The following VILL variants were observed in gnomAD, a reference collection of about 807,000 sequenced individuals.
VILL encodes the protein villin like.
In VILL, 102 loss-of-function variants were observed where a neutral mutation model predicts 106.3. The ratio of observed to expected loss-of-function variants is 0.96; its 90% CI spans 0.82 to 1.13. VILL has a LOEUF of 1.13. VILL is among the 50% of genes most tolerant of loss of function. VILL has a pLI of 0.00. For missense variants in VILL, 1,076 were observed against 1,116.6 expected (o/e 0.96, Z 0.52); for synonymous variants, 431 against 440.3 (o/e 0.98, Z 0.27).
chr3:38,002,439 C>T lies in VILL; in HGVS notation c.1523C>T (p.Thr508Ile), dbSNP rs1397505946. ...HHGKGQSASTTRLFQVQGTDS... is the reference protein window; with the variant it reads ...HHGKGQSASTIRLFQVQGTDS... ...GGAAAGGGGCAGTCAGCATCCACCA[C>T]AAGGCTTTTCCAAGTGCAAGGCACT... Residue 508 changes from threonine to isoleucine, a missense_variant, in exon 14 of 20, where the codon ACA becomes ATA. By Grantham distance (89) the Thr-to-Ile change is moderately conservative. Transcript: ENST00000383759. The T allele has an allele frequency of 1.2e-6, 2 of 1,614,042 alleles. No individual in the cohort carries two copies. The highest frequency in any genetic ancestry group is 1.1e-5 in the South Asian group (1 of 91,070).
At position 37,994,378 on chromosome 3, in the gene VILL, G is replaced by C; in HGVS notation, c.253G>C (p.Asp85His). The change falls in exon 4 of 20, where the codon GAC becomes CAC. Residue 85 changes from aspartate (D) to histidine (H), a missense_variant. Coordinates refer to ENST00000383759, the MANE Select transcript of VILL (RefSeq NM_015873.4). ...GGAGGCCTTCCAGCAGCGCCTACAG[G>C]ACGAGCTGGGGGGCCAGACCGTGCT... is the stretch of plus-strand genomic sequence containing the variant. ...AAEAFQQRLQ[D>H]ELGGQTVLHR... The C allele has an allele frequency of 6.2e-7, 1 of 1,612,372 alleles. No individual in the cohort carries two copies. Among genetic ancestry groups the C allele is most frequent in the Non-Finnish European group, 8.5e-7 (1 of 1,179,762 alleles).
At position 38,003,172 on chromosome 3, in the gene VILL, G is replaced by C. The variant is rs778091994; in HGVS notation, c.1664G>C (p.Cys555Ser). ...AGCCATCTCTTTGCCTGCTAGGGCT[G>C]TAATGGTGATCAGCGTGAGATGGCA... ...SVCYLWFGKG[C>S]NGDQREMARV... is the part of the protein sequence containing the mutation. The change falls in exon 15 of 20, where the codon TGT becomes TCT. Residue 555 changes from cysteine (C) to serine (S), a missense_variant. By Grantham distance (112) the Cys-to-Ser change is moderately radical. Coordinates refer to ENST00000383759, the MANE Select transcript of VILL (RefSeq NM_015873.4). 1.2e-6 allele frequency: 2 copies of C among 1,613,802 alleles called. No individual in the cohort carries two copies. The highest frequency in any genetic ancestry group is 3.3e-5 in the Admixed American group (2 of 60,022).
In VILL at chr3:38,001,599, C is replaced by T; in HGVS notation, c.1320+6C>T. ...ACATCCTGTACCTATGGCAGGTGTG[C>T]CAGCCTGAGGGAGGCAGCACTCACC... On this transcript the variant is annotated splice_donor_region_variant and intron_variant, in intron 12 of 19. Coordinates refer to ENST00000383759, the MANE Select transcript of VILL (RefSeq NM_015873.4). The T allele has an allele frequency of 6.2e-7, 1 of 1,613,890 alleles. No homozygotes were observed.
Position 37,998,886 on chromosome 3 carries a change from A to C in VILL, c.943-26A>C. ...TGGGGCAGTGGACTCTCAGGGTCGCAGGACTGACGATGCCTTCCGCCCCAG... is the reference window on the plus strand; with the variant it reads ...TGGGGCAGTGGACTCTCAGGGTCGCCGGACTGACGATGCCTTCCGCCCCAG... On this transcript the variant is annotated intron_variant, in intron 9 of 19. Transcript: ENST00000383759. The surrounding 1 kb of genome is among the most constrained non-coding windows in gnomAD (Gnocchi z 4.1). 3 of 1,580,374 alleles carry C rather than the reference A, an allele frequency of 1.9e-6. No individual in the cohort carries two copies. Among genetic ancestry groups the C allele is most frequent in the Non-Finnish European group, 1.7e-6 (2 of 1,156,148 alleles).
At chr3:38,006,104 C>T in intron 17 of VILL, 77 bp from the exon 18 acceptor site, 2 of 1,607,396 alleles carry the variant, frequency 1.2e-6, no homozygotes, top group Non-Finnish European at 1.7e-6. Flanking sequence ...TGGTCTTGTC[C>T]TCAGGCCCCT....
At position 37,999,011 on chromosome 3, in the gene VILL, T is replaced by C; in HGVS notation, c.1042T>C (p.Ser348Pro). Residue 348 changes from serine to proline, a missense_variant, in exon 10 of 20, where the codon TCT becomes CCT. Physicochemically the swap from Ser to Pro is moderately conservative, Grantham distance 74. Coordinates refer to ENST00000383759, the MANE Select transcript of VILL (RefSeq NM_015873.4). The stretch of plus-strand genomic sequence containing the variant: ...GTTCAAGCAGCTCTTCCGGACTTGG[T>C]CTGAGAAGCGGCGCAGGAACCAGAA... ...AAFKQLFRTWSEKRRRNQKLG... is the reference protein window; with the variant it reads ...AAFKQLFRTWPEKRRRNQKLG... The C allele has an allele frequency of 6.2e-7, 1 of 1,603,048 alleles. No individual in the cohort carries two copies. The highest frequency in any genetic ancestry group is 2.3e-5 in the East Asian group (1 of 44,074).
Position 37,997,455 on chromosome 3 carries a change from A to C in VILL, c.562-28A>C. The stretch of plus-strand genomic sequence containing the variant: ...TGCTGTGAGAGGGCACACTGGTGAC[A>C]CCCTGACTCCCAGGTCCTCTCCCGC... On this transcript the variant is annotated intron_variant, in intron 6 of 19. Coordinates refer to ENST00000383759, the MANE Select transcript of VILL (RefSeq NM_015873.4). The surrounding 1 kb of genome is among the most constrained non-coding windows in gnomAD (Gnocchi z 4.7). The C allele has an allele frequency of 6.2e-7, 1 of 1,609,858 alleles. No individual in the cohort carries two copies. The highest frequency in any genetic ancestry group is 8.5e-7 in the Non-Finnish European group (1 of 1,178,986).
At position 37,998,135 on chromosome 3, in the gene VILL, C is replaced by T. The variant is rs1699740272; in HGVS notation, c.810C>T (p.Thr270=). Residue 270 remains threonine (T), a synonymous_variant, in exon 8 of 20, where the codon ACC becomes ACT. Transcript: ENST00000383759. The surrounding 1 kb of genome is among the most constrained non-coding windows in gnomAD (Gnocchi z 4.1). ...ACCTGGTGGTCCTGGAGTTGGCGAC[C>T]CCCCCACTGACCCAGGACCTGCTGC... The part of the protein sequence containing the change: ...GKDLVVLELA[T]PPLTQDLLQE... 3 of 1,613,620 alleles carry T rather than the reference C, an allele frequency of 1.9e-6. No homozygotes were observed. The highest frequency in any genetic ancestry group is 1.3e-5 in the African/African-American group (1 of 74,866).
In VILL at chr3:38,006,484, C is replaced by T. The variant is rs751980048; in HGVS notation, c.2241C>T (p.Gly747=). Residue 747 remains glycine, a synonymous_variant, in exon 19 of 20, where the codon GGC becomes GGT. Transcript: ENST00000383759. ...ACTTGCGGCTATCCAGATGGCCGGG[C>T]AATGGCAGGGCAGGTGCCGTGGCCC... The part of the protein sequence containing the change: ...VNNLRLSRWP[G]NGRAGAVALQ... 6.2e-7 allele frequency: 1 copy of T among 1,607,292 alleles called. No individual in the cohort carries two copies. Among genetic ancestry groups the T allele is most frequent in the Non-Finnish European group, 8.5e-7 (1 of 1,174,896 alleles).
intron 5 of VILL, among the ~76,000 whole-genome samples, chr3:37,996,843 C>G (rs1699710370): frequency 6.6e-6 from 1 of 152,134 alleles, no homozygotes; most frequent in Non-Finnish European, 1.5e-5. Context: ...TAAACAGATA[C>G]ACCCCACCTG....
chr3:37,999,275 C>T (rs1432595293), intron 10 of VILL, 64 bp from the exon 11 acceptor site: 42 of 799,844 alleles, frequency 5.3e-5, no homozygotes, highest in Non-Finnish European at 6.1e-5. Context: ...GAGGAGTGGG[C>T]GGGGCGGAGA....
Position 38,002,531 on chromosome 3 carries a change from T to A in VILL, c.1615T>A (p.Phe539Ile). 6.2e-7 allele frequency: 1 copy of A among 1,614,196 alleles called. No homozygotes were observed. The highest frequency in any genetic ancestry group is 8.5e-7 in the Non-Finnish European group (1 of 1,180,006). ...CTCATCCCTCAACTCCAGTGACATC[T>A]TCTTGCTGGTCACAGCCAGCGTCTG... Reference protein sequence around the residue: ...RASSLNSSDIFLLVTASVCYL... With the variant: ...RASSLNSSDIILLVTASVCYL... The change falls in exon 14 of 20, where the codon TTC becomes ATC. Residue 539 changes from phenylalanine (F) to isoleucine (I), a missense_variant. Physicochemically the swap from Phe to Ile is conservative, Grantham distance 21. Transcript: ENST00000383759.
In VILL at chr3:37,997,704, G is replaced by A; in HGVS notation, c.764+19G>A. ...TGTACCAGTGAGTACCCCTGGGGTGGGCAGGGGTGGGTGGGACAGTCCAGG... is the reference window on the plus strand; with the variant it reads ...TGTACCAGTGAGTACCCCTGGGGTGAGCAGGGGTGGGTGGGACAGTCCAGG... On this transcript the variant is annotated intron_variant, in intron 7 of 19. Transcript: ENST00000383759. This position sits in a 1 kb window ranked among gnomAD's most constrained non-coding sequence, Gnocchi z 4.7. 1 of 1,539,382 alleles carries A rather than the reference G, an allele frequency of 6.5e-7. No individual in the cohort carries two copies. The highest frequency in any genetic ancestry group is 1.4e-5 in the African/African-American group (1 of 72,826).
At chr3:37,988,702 A>G (rs571282226), upstream of VILL, among the ~76,000 whole-genome samples, 27 of 152,306 alleles carry the variant, frequency 1.8e-4, no homozygotes, top group South Asian at 5.2e-3. Flanking sequence ...GTCTCTACCA[A>G]AAATACAAAA....
upstream of VILL, among the ~76,000 whole-genome samples, chr3:37,989,099 C>T (rs1049058187): frequency 6.6e-6 from 1 of 152,066 alleles, no homozygotes; most frequent in African/African-American, 2.4e-5. Flanking sequence ...GAGGGCCAGG[C>T]CCAGGATCCA....
Position 38,001,767 on chromosome 3 carries a change from G to A in VILL, c.1386G>A (p.Met462Ile), listed in dbSNP as rs865861913. The A allele has an allele frequency of 3.7e-6, 6 of 1,614,258 alleles. No homozygotes were observed. Among genetic ancestry groups the A allele is most frequent in the Middle Eastern group, 1.6e-4 (1 of 6,062 alleles). Residue 462 changes from methionine (M) to isoleucine (I), a missense_variant, in exon 13 of 20, where the codon ATG becomes ATA. Physicochemically the swap from Met to Ile is conservative, Grantham distance 10. Transcript: ENST00000383759. The part of the protein sequence containing the change: ...LNSNAEELDV[M>I]YGGVLVQEHV... ...GCAACGCTGAGGAACTAGATGTCAT[G>A]TATGGTGGCGTCCTAGTACAGGAGC...
At chr3:37,989,980 A>T (rs1465594915), upstream of VILL, among the ~76,000 whole-genome samples, 1 of 152,188 alleles carries the variant, frequency 6.6e-6, no homozygotes, top group African/African-American at 2.4e-5. Flanking sequence ...TGAAGACTGA[A>T]CACAGGGAGA....
intron 15 of VILL, chr3:38,004,029 C>A: frequency 2.1e-6 from 1 of 481,370 alleles, no homozygotes; most frequent in Non-Finnish European, 3.6e-6. Flanking sequence ...ATTCATGGGG[C>A]ACCTTGCGTC....
At chr3:37,989,674 A>G (rs1309941775), upstream of VILL, among the ~76,000 whole-genome samples, 1 of 152,182 alleles carries the variant, frequency 6.6e-6, no homozygotes, top group Admixed American at 6.5e-5. Context: ...AAAAAGGGAC[A>G]GGGAAACGGG....
Sources: allele counts gnomAD v4.1 joint callset (sites outside exome capture counted in the v4.1 genomes callset), GRCh38; gene constraint gnomAD v4.1.1; non-coding constraint Gnocchi (gnomAD v3.1); transcripts MANE v1.5; gene names NCBI Gene and HGNC (gene_info 2026-07-23, HGNC 2026-07-21).